The following PRDM16 variants were observed in gnomAD, a reference collection of about 807,000 sequenced individuals.
The protein encoded by PRDM16 is histone-lysine N-methyltransferase PRDM16.
Under a neutral mutation model 110.6 loss-of-function variants are expected in PRDM16, and 23 were observed. The observed-to-expected ratio is 0.21, with a 90% CI of 0.15 to 0.29. The LOEUF is 0.29. Ranked by LOEUF, PRDM16 falls within the 10% of genes least tolerant of loss-of-function variation. The pLI, the probability that PRDM16 is intolerant of heterozygous loss-of-function variation, is 1.00. For synonymous variants in PRDM16, 799 were observed against 781.8 expected, an observed-to-expected ratio of 1.02 and a Z score of -0.37; for missense variants, 1,615 against 1,794.3, an observed-to-expected ratio of 0.90 and a Z score of 1.81.
At chr1:3,164,187 G>T (rs911506976) in intron 1 of PRDM16, among the ~76,000 whole-genome samples, 1 of 152,264 alleles carries the variant, frequency 6.6e-6, no homozygotes, top group Non-Finnish European at 1.5e-5. Context: ...AGTATAAAGC[G>T]TGAGAAACAC....
At chr1:3,083,749 T>C (rs902115801) in intron 1 of PRDM16, among the ~76,000 whole-genome samples, 2 of 152,072 alleles carry the variant, frequency 1.3e-5, no homozygotes, top group African/African-American at 4.8e-5. Context: ...GAAGAGCTGT[T>C]CCTCCTCACC....
At chr1:3,226,116 C>T (rs769378469) in intron 2 of PRDM16, among the ~76,000 whole-genome samples, 2 of 152,358 alleles carry the variant, frequency 1.3e-5, no homozygotes, top group Non-Finnish European at 2.9e-5. Context: ...AGCTCAGGTG[C>T]CAGCAGGTAA....
intron 1 of PRDM16, among the ~76,000 whole-genome samples, chr1:3,094,067 G>GGTGGCTGCAGCCAGTGTGGTCT (rs1642336578): frequency 6.6e-6 from 1 of 152,248 alleles, no homozygotes; most frequent in African/African-American, 2.4e-5. Context: ...TGGGGAAAGT[G>GGTGGCTGCAGCCAGTGTGGTCT]GTGGCTGCAG....
At chr1:3,291,632 C>T (rs1430637945) in intron 3 of PRDM16, among the ~76,000 whole-genome samples, 1 of 152,216 alleles carries the variant, frequency 6.6e-6, no homozygotes. Context: ...TAAGTAATCA[C>T]ATCAATGTCC....
At chr1:3,381,820 C>A (rs369674270) in intron 3 of PRDM16, among the ~76,000 whole-genome samples, 10 of 152,208 alleles carry the variant, frequency 6.6e-5, no homozygotes, top group African/African-American at 2.4e-4. Flanking sequence ...AAAAGAGACG[C>A]ATGCTGAGAG....
chr1:3,418,140 G>C (rs1638321354), intron 11 of PRDM16, 143 bp downstream of exon 11: 4 of 720,272 alleles, frequency 5.6e-6, no homozygotes, highest in Non-Finnish European at 9.2e-6. Flanking sequence ...TTATCTGCTT[G>C]AGGTCATGCT....
chr1:3,207,605 C>T (rs1224916067), intron 2 of PRDM16: 1 of 152,364 alleles, frequency 6.6e-6, no homozygotes, highest in Non-Finnish European at 1.5e-5. Context: ...GCTCTTCAAA[C>T]AGGCATTCTG....
rs557703764 is a variant in PRDM16, at chr1:3,410,746, C to T, written c.1187-638C>T. ...GCCCCCACCCCTGCTAGAACAGCTGCAAAAGTGAAGACGAAGGCAGGGCGG... is the reference window on the plus strand; with the variant it reads ...GCCCCCACCCCTGCTAGAACAGCTGTAAAAGTGAAGACGAAGGCAGGGCGG... On this transcript the variant is annotated intron_variant, in intron 8 of 16. Transcript: ENST00000270722. 1.6e-4 allele frequency among the ~76,000 whole-genome samples: 24 copies of T among 152,314 alleles called. No homozygotes were observed. In the South Asian group the frequency reaches 5.0e-3, roughly 32 times the overall value.
In PRDM16 at chr1:3,080,407, C is replaced by T. The variant is rs1455451170; in HGVS notation, c.37+11111C>T. Among the ~76,000 whole-genome samples the T allele has an allele frequency of 6.6e-6, 1 of 152,190 alleles. No individual in the cohort carries two copies. Among genetic ancestry groups the T allele is most frequent in the African/African-American group, 2.4e-5 (1 of 41,448 alleles). On this transcript the variant is annotated intron_variant, in intron 1 of 16. Coordinates refer to ENST00000270722, the MANE Select transcript of PRDM16 (RefSeq NM_022114.4). This position sits in a 1 kb window ranked among gnomAD's most constrained non-coding sequence, Gnocchi z 5.2. ...CCGCGCTTTCCGATCGGTTTCTCTACCCCGGCCCATCCAGCCATCCTTTTC... is the reference window on the plus strand; with the variant it reads ...CCGCGCTTTCCGATCGGTTTCTCTATCCCGGCCCATCCAGCCATCCTTTTC...
chr1:3,308,037 A>C (rs2100406929), intron 3 of PRDM16: 1 of 152,178 alleles, frequency 6.6e-6, no homozygotes, highest in East Asian at 1.9e-4. Flanking sequence ...ACACCTTATA[A>C]AGGCCCAAGG....
intron 1 of PRDM16, among the ~76,000 whole-genome samples, chr1:3,180,909 TACACGCAGCCTTACACACGCAGCC>T (rs1644145720): frequency 7.6e-6 from 1 of 131,048 alleles, no homozygotes; most frequent in African/African-American, 2.7e-5. Context: ...CACGCAGTCT[TACACGCAGCCTTACACACGCAGCC>T]ACACACGCAG....
At chr1:3,269,931 GGGAGGAGGACAGTCA>G (rs1346993021) in intron 3 of PRDM16, among the ~76,000 whole-genome samples, 13 of 148,888 alleles carry the variant, frequency 8.7e-5, no homozygotes, top group South Asian at 2.2e-4. Context: ...GAGGACAATC[GGGAGGAGGACAGTCA>G]GGAGGAGGAC....
At chr1:3,273,580 A>C (rs925573013) in intron 3 of PRDM16, among the ~76,000 whole-genome samples, 1 of 152,018 alleles carries the variant, frequency 6.6e-6, no homozygotes, top group Non-Finnish European at 1.5e-5. Flanking sequence ...CCATGTGTGC[A>C]CATGTGTGGG....
Position 3,433,889 on chromosome 1 carries a change from A to G in PRDM16, c.*78A>G. 6.7e-7 allele frequency: 1 copy of G among 1,500,516 alleles called. No homozygotes were observed. The highest frequency in any genetic ancestry group is 2.3e-5 in the East Asian group (1 of 43,608). The allele number at this position is 1,500,516 out of a possible 1,614,324, so 93.0% of individuals were successfully genotyped here. On this transcript the variant is annotated 3_prime_UTR_variant, in exon 17 of 17. Coordinates refer to ENST00000270722, the MANE Select transcript of PRDM16 (RefSeq NM_022114.4). ...GACGGAGGCGGGCGGGGCCCCGGAG[A>G]ACCCTGTCCCTGCGTGTGGCCACTC...
At chr1:3,114,177 A>ACACACACG (rs772923541) in intron 1 of PRDM16, among the ~76,000 whole-genome samples, 2 of 99,844 alleles carry the variant, frequency 2.0e-5, no homozygotes, top group East Asian at 4.2e-4. Context: ...ACACACACGC[A>ACACACACG]CACACACGCA....
intron 5 of PRDM16, among the ~76,000 whole-genome samples, chr1:3,398,827 T>TG (rs1456972863): frequency 6.6e-6 from 1 of 152,198 alleles, no homozygotes; most frequent in Admixed American, 6.5e-5. Context: ...TGAAGAGAGT[T>TG]TCATTTCCAA....
intron 3 of PRDM16, among the ~76,000 whole-genome samples, chr1:3,355,347 C>T (rs375920797): frequency 1.4e-4 from 22 of 152,248 alleles, no homozygotes; most frequent in South Asian, 4.1e-4. Context: ...TCTGACCTCA[C>T]GAATTAATTG....
chr1:3,105,261 A>T (rs1642627292), intron 1 of PRDM16, among the ~76,000 whole-genome samples: 1 of 152,026 alleles, frequency 6.6e-6, no homozygotes, highest in African/African-American at 2.4e-5. Context: ...CTGGGCCCAA[A>T]CTTGAGGGCC....
chr1:3,298,988 C>T (rs1298855009), intron 3 of PRDM16, among the ~76,000 whole-genome samples: 3 of 152,228 alleles, frequency 2.0e-5, no homozygotes, highest in Admixed American at 6.5e-5. Context: ...GTCTGACCTA[C>T]AGGATCCGTA....
Sources: allele counts gnomAD v4.1 joint callset (sites outside exome capture counted in the v4.1 genomes callset), GRCh38; gene constraint gnomAD v4.1.1; non-coding constraint Gnocchi (gnomAD v3.1); transcripts MANE v1.5; gene names NCBI Gene and HGNC (gene_info 2026-07-23, HGNC 2026-07-21).